The following CSMD1 variants were observed in gnomAD, a reference collection of about 807,000 sequenced individuals.
CSMD1 encodes the protein CUB and Sushi multiple domains 1, also known as CUB and sushi domain-containing protein 1.
In CSMD1, 213 loss-of-function variants were observed where a neutral mutation model predicts 417.5. That is an observed-to-expected ratio of 0.51 (90% CI 0.46 to 0.57). The LOEUF (loss-of-function observed/expected upper bound fraction) is 0.57. Among genes scored for constraint, CSMD1 ranks in the 20% least tolerant of loss-of-function variants. The pLI, the probability that CSMD1 is intolerant of heterozygous loss-of-function variation, is 0.00. For missense variants in CSMD1, 6,923 were observed against 4,529.7 expected (o/e 1.53, Z -15.17); for synonymous variants, 2,862 against 1,736.8 (o/e 1.65, Z -16.11).
chr8:4,602,533 A>G (rs1800645397), intron 2 of CSMD1, among the ~76,000 whole-genome samples: 2 of 152,226 alleles, frequency 1.3e-5, no homozygotes, highest in Admixed American at 1.3e-4. Context: ...TATTAGGAAC[A>G]TATTGGTCAT....
In CSMD1 at chr8:4,484,626, G is replaced by A. The variant is rs113194507; in HGVS notation, c.303-64561C>T. Among the ~76,000 whole-genome samples the A allele has an allele frequency of 7.6e-3, 1,153 of 152,050 alleles. 17 individuals are homozygous for A. Among genetic ancestry groups the A allele is most frequent in the African/African-American group, 0.026 (1,068 of 41,462 alleles). ...GCTGACGTGACCTGCTCTATGAGAG[G>A]GAAAGTGAGACACATCTTCCTGCAT... is the stretch of plus-strand genomic sequence containing the variant. On this transcript the variant is annotated intron_variant, in intron 2 of 69. Coordinates refer to ENST00000635120, the MANE Select transcript of CSMD1 (RefSeq NM_033225.6).
intron 5 of CSMD1, among the ~76,000 whole-genome samples, chr8:3,794,084 C>T (rs1263650343): frequency 6.6e-6 from 1 of 152,160 alleles, no homozygotes; most frequent in South Asian, 2.1e-4. Flanking sequence ...CCCCTGATGG[C>T]TCATGAAAAA....
At chr8:4,538,094 A>G (rs751163238) in intron 2 of CSMD1, among the ~76,000 whole-genome samples, 3 of 152,114 alleles carry the variant, frequency 2.0e-5, no homozygotes, top group Non-Finnish European at 4.4e-5. Context: ...CTTGCTAGGT[A>G]TCAATAAAAC....
intron 3 of CSMD1, among the ~76,000 whole-genome samples, chr8:4,319,859 AG>A (rs1222287188): frequency 6.6e-6 from 1 of 152,176 alleles, no homozygotes; most frequent in Non-Finnish European, 1.5e-5. Context: ...TATATTATGC[AG>A]GTAACAGAGG....
chr8:4,637,278 A>G, intron 2 of CSMD1, 64 bp downstream of exon 2: 2 of 1,350,376 alleles, frequency 1.5e-6, no homozygotes, highest in Non-Finnish European at 2.1e-6. Flanking sequence ...AAATATTCCA[A>G]CTAGATTTCA....
At position 4,162,845 on chromosome 8, in the gene CSMD1, T is replaced by G. The variant is rs116720300; in HGVS notation, c.416-130746A>C. On this transcript the variant is annotated intron_variant, in intron 3 of 69. Transcript: ENST00000635120. ...ATATATAATGCTATGTGTTCACCAT[T>G]GCAGTATCACACTGAGTAGTTTCCC... is the stretch of plus-strand genomic sequence containing the variant. Among the ~76,000 whole-genome samples the G allele has an allele frequency of 9.3e-3, 1,422 of 152,298 alleles. 21 individuals are homozygous for G. Among genetic ancestry groups the G allele is most frequent in the African/African-American group, 0.032 (1,349 of 41,562 alleles).
intron 1 of CSMD1, among the ~76,000 whole-genome samples, chr8:4,990,165 A>G (rs1451027155): frequency 6.6e-6 from 1 of 152,162 alleles, no homozygotes; most frequent in Non-Finnish European, 1.5e-5. Context: ...CTACCATTCA[A>G]GTTTACAAAA....
intron 3 of CSMD1, among the ~76,000 whole-genome samples, chr8:4,312,327 T>C (rs1294207949): frequency 6.6e-6 from 1 of 150,546 alleles, no homozygotes; most frequent in Non-Finnish European, 1.5e-5. Flanking sequence ...ACCTACTTTT[T>C]TAAAAGCAAT....
rs182031307 is a variant in CSMD1 at position 4,219,684 on chromosome 8, C to A, written c.416-187585G>T. On this transcript the variant is annotated intron_variant, in intron 3 of 69. Coordinates refer to ENST00000635120, the MANE Select transcript of CSMD1 (RefSeq NM_033225.6). ...AGATCATTTGGATAATACTGCTACA[C>A]AAGTCAAGAGTTTAAATATTATTTT... 6.1e-4 allele frequency among the ~76,000 whole-genome samples: 93 copies of A among 152,300 alleles called. No individual in the cohort carries two copies. The Middle Eastern group carries it at 0.01, about 17-fold the overall frequency.
chr8:2,979,367 A>G (rs1434450056), intron 54 of CSMD1, among the ~76,000 whole-genome samples: 1 of 152,262 alleles, frequency 6.6e-6, no homozygotes, highest in African/African-American at 2.4e-5. Context: ...TTTTAGAAAC[A>G]GGTCCGTGGT....
At chr8:3,913,835 C>G (rs934005454) in intron 5 of CSMD1, among the ~76,000 whole-genome samples, 8 of 152,108 alleles carry the variant, frequency 5.3e-5, no homozygotes, top group African/African-American at 1.9e-4. Flanking sequence ...CTCAGACGGT[C>G]TAATCACCTT....
intron 3 of CSMD1, among the ~76,000 whole-genome samples, chr8:4,291,696 TG>T (rs1487645160): frequency 1.3e-5 from 2 of 152,140 alleles, no homozygotes; most frequent in African/African-American, 4.8e-5. Context: ...ATTCAACGGG[TG>T]GTAAAATTCA....
At chr8:3,509,581 C>G (rs1224906145) in intron 10 of CSMD1, among the ~76,000 whole-genome samples, 1 of 152,182 alleles carries the variant, frequency 6.6e-6, no homozygotes, top group African/African-American at 2.4e-5. Flanking sequence ...ATAACTGTTT[C>G]TATGTTAGAA....
At chr8:4,800,827 C>T (rs750014290) in intron 1 of CSMD1, among the ~76,000 whole-genome samples, 1 of 152,226 alleles carries the variant, frequency 6.6e-6, no homozygotes, top group East Asian at 1.9e-4. Flanking sequence ...GTGGTGGGTG[C>T]AGGGCACAAA....
At chr8:3,300,538 A>G (rs1362336731) in intron 25 of CSMD1, among the ~76,000 whole-genome samples, 4 of 152,212 alleles carry the variant, frequency 2.6e-5, no homozygotes, top group African/African-American at 7.2e-5. Context: ...ACTAAGACAT[A>G]TGAGGATGCT....
intron 2 of CSMD1, among the ~76,000 whole-genome samples, chr8:4,463,574 CAGA>C (rs567263061): frequency 9.5e-4 from 145 of 152,234 alleles, no homozygotes; most frequent in African/African-American, 2.4e-3. Context: ...TCCAGAAATA[CAGA>C]AGAAGTGAAC....
In CSMD1 at chr8:3,487,365, C is replaced by T. The variant is rs569302233; in HGVS notation, c.1448+6258G>A. ...TACAGGCGCCCGCCACCACGCCCGG[C>T]TAATTTTTTGTATTTTTAGTAGAGA... is the stretch of plus-strand genomic sequence containing the variant. On this transcript the variant is annotated intron_variant, in intron 11 of 69. Coordinates refer to ENST00000635120, the MANE Select transcript of CSMD1 (RefSeq NM_033225.6). Among the ~76,000 whole-genome samples, 36 of 152,160 alleles carry T rather than the reference C, an allele frequency of 2.4e-4. No homozygotes were observed. The Middle Eastern group carries it at 0.014, about 58-fold the overall frequency.
intron 5 of CSMD1, among the ~76,000 whole-genome samples, chr8:3,938,643 C>G (rs139303520): frequency 2.6e-5 from 4 of 152,150 alleles, no homozygotes; most frequent in African/African-American, 7.2e-5. Context: ...CAGGTCACTG[C>G]AAGTCTCTTT....
In CSMD1 at chr8:3,204,344, C is replaced by A. The variant is rs1187280466; in HGVS notation, c.4984+1160G>T. 2.0e-5 allele frequency among the ~76,000 whole-genome samples: 3 copies of A among 151,684 alleles called. No homozygotes were observed. In the East Asian group the frequency reaches 5.8e-4, roughly 29 times the overall value. ...TAATAAATATATTTTGTCATGTTTC[C>A]ATGAACAGAAGACTTTTTTGTGATA... On this transcript the variant is annotated intron_variant, in intron 31 of 69. Transcript: ENST00000635120.
Sources: allele counts gnomAD v4.1 joint callset (sites outside exome capture counted in the v4.1 genomes callset), GRCh38; gene constraint gnomAD v4.1.1; transcripts MANE v1.5; gene names NCBI Gene and HGNC (gene_info 2026-07-23, HGNC 2026-07-21).